Variants in CNTN3 observed in about 807,000 individuals in gnomAD.
CNTN3 encodes contactin 3.
A neutral mutation model predicts 119.1 loss-of-function variants in CNTN3; 60 were observed. The ratio of observed to expected loss-of-function variants is 0.50; its 90% confidence interval spans 0.41 to 0.62. The LOEUF is 0.62. CNTN3 is among the 20% of genes least tolerant of loss of function. CNTN3 has a pLI of 0.00. For missense variants in CNTN3, 1,101 were observed against 1,242.4 expected, an observed-to-expected ratio of 0.89 and a Z score of 1.71; for synonymous variants, 450 against 438.7, an observed-to-expected ratio of 1.03 and a Z score of -0.32.
intron 11 of CNTN3, among the ~76,000 whole-genome samples, chr3:74,349,087 TAA>T (rs534564364): frequency 1.1e-4 from 15 of 137,626 alleles, no homozygotes; most frequent in Admixed American, 1.5e-4. Flanking sequence ...CCCTGTCTCT[TAA>T]AAAAAAAAAA....
intron 2 of CNTN3, among the ~76,000 whole-genome samples, chr3:74,508,226 C>T (rs1010153723): frequency 1.3e-5 from 2 of 152,104 alleles, no homozygotes; most frequent in South Asian, 2.1e-4. Context: ...TCCCTTTGCT[C>T]GGCTCTTCTC....
intron 4 of CNTN3, among the ~76,000 whole-genome samples, chr3:74,466,585 G>T (rs994056354): frequency 6.6e-6 from 1 of 152,144 alleles, no homozygotes; most frequent in African/African-American, 2.4e-5. Context: ...AGGCCGAGAT[G>T]AGTTGTCATG....
At chr3:74,553,115 G>C (rs1704017658) in intron 1 of CNTN3, among the ~76,000 whole-genome samples, 1 of 146,132 alleles carries the variant, frequency 6.8e-6, no homozygotes, top group African/African-American at 2.6e-5. Context: ...GCCCCCGTGT[G>C]TGATGTTCCC....
At chr3:74,525,017 A>G (rs1215831700) in intron 1 of CNTN3, among the ~76,000 whole-genome samples, 3 of 151,826 alleles carry the variant, frequency 2.0e-5, no homozygotes, top group Admixed American at 1.3e-4. Context: ...GGCTAAGGGT[A>G]TTAGTCGCAG....
At chr3:74,310,609 T>C (rs1481097313) in intron 13 of CNTN3, among the ~76,000 whole-genome samples, 2 of 151,972 alleles carry the variant, frequency 1.3e-5, no homozygotes, top group Non-Finnish European at 2.9e-5. Flanking sequence ...ATACCAAGAG[T>C]AATTGTGCTA....
chr3:74,284,382 A>C (rs1450374458), intron 20 of CNTN3, among the ~76,000 whole-genome samples: 1 of 152,178 alleles, frequency 6.6e-6, no homozygotes, highest in Admixed American at 6.6e-5. Flanking sequence ...AATTTTCTGC[A>C]AGTAAAAGTA....
chr3:74,269,880 G>T (rs1701736150), intron 20 of CNTN3, among the ~76,000 whole-genome samples: 1 of 152,112 alleles, frequency 6.6e-6, no homozygotes, highest in African/African-American at 2.4e-5. Flanking sequence ...ATGGAGAATT[G>T]CTTAATGAGT....
At chr3:74,278,022 C>A (rs1701915852) in intron 20 of CNTN3, among the ~76,000 whole-genome samples, 1 of 118,354 alleles carries the variant, frequency 8.4e-6, no homozygotes, top group Non-Finnish European at 1.7e-5. Context: ...ACAATAGCTG[C>A]CAAAAAAAAA....
chr3:74,360,186 C>G (rs1381765759), intron 11 of CNTN3, among the ~76,000 whole-genome samples: 1 of 152,188 alleles, frequency 6.6e-6, no homozygotes, highest in Non-Finnish European at 1.5e-5. Flanking sequence ...AGCCGTTCAA[C>G]CTGGTCATGT....
At chr3:74,412,159 T>C (rs1701448468) in intron 5 of CNTN3, among the ~76,000 whole-genome samples, 1 of 152,188 alleles carries the variant, frequency 6.6e-6, no homozygotes, top group Admixed American at 6.5e-5. Flanking sequence ...ATCTTTCAAA[T>C]TCACCTTCTT....
At chr3:74,305,340 G>A (rs536969744) in intron 13 of CNTN3, among the ~76,000 whole-genome samples, 5 of 151,192 alleles carry the variant, frequency 3.3e-5, no homozygotes, top group Non-Finnish European at 5.9e-5. Context: ...CTGGACAATT[G>A]TTTAGAAGCA....
intron 19 of CNTN3, among the ~76,000 whole-genome samples, chr3:74,290,537 T>C (rs1702207033): frequency 6.6e-6 from 1 of 152,198 alleles, no homozygotes; most frequent in East Asian, 1.9e-4. Flanking sequence ...AAGCCATTCA[T>C]GTATATTCTT....
intron 1 of CNTN3, among the ~76,000 whole-genome samples, chr3:74,570,480 C>T (rs1277416593): frequency 7.0e-6 from 1 of 143,864 alleles, no homozygotes; most frequent in Non-Finnish European, 1.5e-5. Flanking sequence ...CTGGCTCTCT[C>T]GCAACATTAA....
chr3:74,451,060 C>T (rs1702144656), intron 4 of CNTN3, among the ~76,000 whole-genome samples: 1 of 152,080 alleles, frequency 6.6e-6, no homozygotes, highest in African/African-American at 2.4e-5. Flanking sequence ...AATGGTATTT[C>T]TAGTTCTAGA....
chr3:74,278,439 C>A (rs1268373423), intron 20 of CNTN3, among the ~76,000 whole-genome samples: 1 of 151,940 alleles, frequency 6.6e-6, no homozygotes, highest in African/African-American at 2.4e-5. Flanking sequence ...AATAGACAAC[C>A]CAGAAGTAAA....
intron 5 of CNTN3, among the ~76,000 whole-genome samples, chr3:74,385,572 T>C (rs919232643): frequency 6.6e-6 from 1 of 152,220 alleles, no homozygotes; most frequent in Non-Finnish European, 1.5e-5. Context: ...CTTTGTCCTC[T>C]AGGTGTGTGC....
chr3:74,445,909 C>A (rs1376126870), intron 4 of CNTN3, among the ~76,000 whole-genome samples: 1 of 152,186 alleles, frequency 6.6e-6, no homozygotes, highest in East Asian at 1.9e-4. Flanking sequence ...AGGTTGTGCA[C>A]TGCACAACTC....
At chr3:74,289,866 G>C (rs1702189033) in intron 19 of CNTN3, among the ~76,000 whole-genome samples, 1 of 152,188 alleles carries the variant, frequency 6.6e-6, no homozygotes, top group Admixed American at 6.5e-5. Context: ...AAAAGGCTGA[G>C]TTACCTTCTC....
Position 74,386,406 on chromosome 3 carries a change from C to T in CNTN3, c.455-15007G>A, listed in dbSNP as rs533542736. 3.3e-5 allele frequency among the ~76,000 whole-genome samples: 5 copies of T among 152,190 alleles called. No homozygotes were observed. The South Asian group carries it at 8.3e-4, about 25-fold the overall frequency. The stretch of plus-strand genomic sequence containing the variant: ...AGTTGAAGAAGGTGGATGGCTTGAT[C>T]CCAGAGTTCGAGACCAGCCTGGGCA... On this transcript the variant is annotated intron_variant, in intron 5 of 22. Transcript: ENST00000263665.
Sources: gnomAD v4.1 joint callset for allele counts (sites outside exome capture counted in the v4.1 genomes callset) on GRCh38, gnomAD v4.1.1 for gene constraint, MANE v1.5 for transcripts, NCBI Gene and HGNC (gene_info 2026-07-23, HGNC 2026-07-21) for gene names.